CNTN3: variants seen among roughly 807,000 people sequenced by gnomAD.
The protein encoded by CNTN3 is contactin-3.
Under a neutral mutation model 119.1 loss-of-function variants are expected in CNTN3, and 60 were observed. That is an observed-to-expected ratio of 0.50 (90% CI 0.41 to 0.62). The LOEUF (loss-of-function observed/expected upper bound fraction) is 0.62. Ranked by LOEUF, CNTN3 falls within the 20% of genes least tolerant of loss-of-function variation. CNTN3 has a pLI of 0.00. For missense variants in CNTN3, 1,101 were observed against 1,242.4 expected, an observed-to-expected ratio of 0.89 and a Z score of 1.71; for synonymous variants, 450 against 438.7, an observed-to-expected ratio of 1.03 and a Z score of -0.32.
intron 5 of CNTN3, among the ~76,000 whole-genome samples, chr3:74,385,915 A>G (rs1198448628): frequency 6.6e-6 from 1 of 152,232 alleles, no homozygotes; most frequent in Non-Finnish European, 1.5e-5. Flanking sequence ...AAATATGAAA[A>G]CCAATAAAAG....
intron 1 of CNTN3, among the ~76,000 whole-genome samples, chr3:74,597,853 G>A (rs1160616158): frequency 2.0e-5 from 3 of 151,944 alleles, no homozygotes; most frequent in Non-Finnish European, 2.9e-5. Flanking sequence ...AGTCAGCTAG[G>A]AGCTGAAAAA....
chr3:74,520,049 C>G (rs999032611), intron 2 of CNTN3, among the ~76,000 whole-genome samples: 2 of 151,486 alleles, frequency 1.3e-5, no homozygotes, highest in African/African-American at 4.8e-5. Flanking sequence ...TCCATTTGGC[C>G]TCATTCCGCA....
intron 2 of CNTN3, among the ~76,000 whole-genome samples, chr3:74,504,926 C>T (rs1467814287): frequency 6.6e-6 from 1 of 152,136 alleles, no homozygotes; most frequent in Admixed American, 6.6e-5. Flanking sequence ...TTTTGTCTCA[C>T]AGTTCAGGGG....
chr3:74,515,836 T>C (rs928806991), intron 2 of CNTN3, among the ~76,000 whole-genome samples: 1 of 152,038 alleles, frequency 6.6e-6, no homozygotes, highest in Non-Finnish European at 1.5e-5. Context: ...CGTTTGACCA[T>C]TCACTTAAGG....
chr3:74,460,807 A>ATATATG (rs1702352624), intron 4 of CNTN3, among the ~76,000 whole-genome samples: 1 of 52,936 alleles, frequency 1.9e-5, no homozygotes, highest in South Asian at 4.0e-4. Context: ...ATATATATAT[A>ATATATG]TATATATATA....
chr3:74,348,754 A>G (rs2106742687), intron 11 of CNTN3, among the ~76,000 whole-genome samples: 1 of 152,254 alleles, frequency 6.6e-6, no homozygotes, highest in Non-Finnish European at 1.5e-5. Flanking sequence ...GGAAACCTTG[A>G]GAGATGATAA....
intron 18 of CNTN3, among the ~76,000 whole-genome samples, chr3:74,296,846 T>C (rs1702347403): frequency 1.3e-5 from 2 of 151,954 alleles, no homozygotes; most frequent in Middle Eastern, 3.4e-3. Flanking sequence ...GTAGTAAAAC[T>C]TCAATACATG....
At chr3:74,534,244 T>C (rs1703730961) in intron 1 of CNTN3, among the ~76,000 whole-genome samples, 1 of 151,992 alleles carries the variant, frequency 6.6e-6, no homozygotes, top group Non-Finnish European at 1.5e-5. Flanking sequence ...GTAAACAGAA[T>C]AGCATGAGCC....
intron 11 of CNTN3, among the ~76,000 whole-genome samples, chr3:74,360,051 TTTATC>T (rs1333413369): frequency 6.6e-6 from 1 of 152,162 alleles, no homozygotes; most frequent in Non-Finnish European, 1.5e-5. Context: ...AATTCACAAT[TTTATC>T]TTGTCATCCT....
At chr3:74,440,744 C>T (rs1266470262) in intron 4 of CNTN3, among the ~76,000 whole-genome samples, 1 of 152,108 alleles carries the variant, frequency 6.6e-6, no homozygotes, top group Non-Finnish European at 1.5e-5. Context: ...TGGTGGTTTG[C>T]TGCCCCTATC....
chr3:74,320,122 G>T (rs1210412672), intron 13 of CNTN3, among the ~76,000 whole-genome samples: 1 of 152,138 alleles, frequency 6.6e-6, no homozygotes, highest in Non-Finnish European at 1.5e-5. Context: ...ATTCCTCAGG[G>T]ATCTAGAACT....
At chr3:74,465,779 G>A (rs1702450343) in intron 4 of CNTN3, among the ~76,000 whole-genome samples, 1 of 152,112 alleles carries the variant, frequency 6.6e-6, no homozygotes, top group South Asian at 2.1e-4. Flanking sequence ...GGATAGGCAG[G>A]GCTCCTATTT....
In CNTN3 at chr3:74,388,575, A is replaced by G. The variant is rs547131162; in HGVS notation, c.455-17176T>C. Among the ~76,000 whole-genome samples the G allele has an allele frequency of 5.3e-5, 8 of 152,330 alleles. No individual in the cohort carries two copies. The South Asian group carries it at 1.7e-3, about 32-fold the overall frequency. ...TTCTCTACCCCCAAAAATCTATAAAATAAATCCCAGTAATTATATTTAGTC... is the reference window on the plus strand; with the variant it reads ...TTCTCTACCCCCAAAAATCTATAAAGTAAATCCCAGTAATTATATTTAGTC... On this transcript the variant is annotated intron_variant, in intron 5 of 22. Transcript: ENST00000263665.
chr3:74,434,565 C>T (rs1246907714), intron 4 of CNTN3, among the ~76,000 whole-genome samples: 4 of 152,140 alleles, frequency 2.6e-5, no homozygotes, highest in Non-Finnish European at 5.9e-5. Flanking sequence ...AAGTCTTTGT[C>T]CTGTGGAGTC....
At chr3:74,594,454 C>A (rs1207130876) in intron 1 of CNTN3, among the ~76,000 whole-genome samples, 2 of 151,762 alleles carry the variant, frequency 1.3e-5, no homozygotes, top group African/African-American at 2.4e-5. Flanking sequence ...TCCCCCCACC[C>A]CACAACACTC....
chr3:74,318,328 C>T (rs1258878826), intron 13 of CNTN3, among the ~76,000 whole-genome samples: 2 of 152,146 alleles, frequency 1.3e-5, no homozygotes, highest in Non-Finnish European at 2.9e-5. Flanking sequence ...AAGTCTTCTT[C>T]TCTCAGCTCG....
At chr3:74,317,014 G>A (rs567334941) in intron 13 of CNTN3, among the ~76,000 whole-genome samples, 1 of 151,714 alleles carries the variant, frequency 6.6e-6, no homozygotes, top group East Asian at 1.9e-4. Flanking sequence ...ATGAATCTGG[G>A]TGCTCCTGTA....
intron 20 of CNTN3, among the ~76,000 whole-genome samples, chr3:74,282,919 T>C (rs1453344480): frequency 6.6e-6 from 1 of 152,128 alleles, no homozygotes; most frequent in African/African-American, 2.4e-5. Flanking sequence ...ACGTAGGAAA[T>C]TGTCCTTAAT....
chr3:74,591,906 C>T (rs1472521339), intron 1 of CNTN3, among the ~76,000 whole-genome samples: 1 of 151,842 alleles, frequency 6.6e-6, no homozygotes, highest in Non-Finnish European at 1.5e-5. Context: ...GACACAGAAG[C>T]ACCAGAGATG....
Sources: allele counts gnomAD v4.1 joint callset (sites outside exome capture counted in the v4.1 genomes callset), GRCh38; gene constraint gnomAD v4.1.1; transcripts MANE v1.5; gene names NCBI Gene and HGNC (gene_info 2026-07-23, HGNC 2026-07-21).